MAN2B2: variants seen among roughly 807,000 people sequenced by gnomAD.
MAN2B2 encodes epididymis-specific alpha-mannosidase.
MAN2B2 carries 106 observed loss-of-function variants against 117.1 expected under a neutral mutation model. That is an observed-to-expected ratio of 0.90 (90% confidence interval 0.77 to 1.06). The LOEUF is 1.06. Among genes scored for constraint, MAN2B2 ranks in the 50% least tolerant of loss-of-function variants. The pLI, the probability that MAN2B2 is intolerant of heterozygous loss-of-function variation, is 0.00. For missense variants in MAN2B2, 1,326 were observed against 1,381.4 expected (o/e 0.96, Z 0.64); for synonymous variants, 544 against 595.1 (o/e 0.91, Z 1.25).
chr4:6,586,923 C>T, intron 3 of MAN2B2, 73 bp from the exon 4 acceptor site: 1 of 1,474,062 alleles, frequency 6.8e-7, no homozygotes, highest in African/African-American at 1.4e-5. Context: ...GGCAGGGTCC[C>T]CTGGGGTGAG....
Position 6,621,386 on chromosome 4 carries a change from G to A in MAN2B2, c.*101G>A. Reference sequence around the variant, plus strand: ...AGCAGTGCGGAGGGATGGGACTGGGGAGTCAGCTGCTCATCTGCAGGCTAA... The same window carrying A: ...AGCAGTGCGGAGGGATGGGACTGGGAAGTCAGCTGCTCATCTGCAGGCTAA... On this transcript the variant is annotated 3_prime_UTR_variant, in exon 19 of 19. Transcript: ENST00000285599. 1 of 887,394 alleles carries A rather than the reference G, an allele frequency of 1.1e-6. No homozygotes were observed. 55.0% of individuals were successfully genotyped at this position (887,394 alleles called of 1,614,324 possible).
intron 11 of MAN2B2, among the ~76,000 whole-genome samples, chr4:6,607,323 C>G (rs1727592019): frequency 6.6e-6 from 1 of 152,202 alleles, no homozygotes; most frequent in South Asian, 2.1e-4. Context: ...CCTCCCACCT[C>G]AGCCTCTTGA....
intron 2 of MAN2B2, 45 bp from the exon 3 acceptor site, chr4:6,578,348 C>A: frequency 6.9e-7 from 1 of 1,458,960 alleles, no homozygotes; most frequent in South Asian, 1.2e-5. Flanking sequence ...CAGCCATGCT[C>A]AGGAGCCGTA....
intron 2 of MAN2B2, among the ~76,000 whole-genome samples, chr4:6,577,709 G>A (rs1726122638): frequency 3.9e-5 from 6 of 152,242 alleles, no homozygotes; most frequent in Admixed American, 3.9e-4. Flanking sequence ...TGCTTCTTCA[G>A]GTGGACCCCA....
At chr4:6,598,091 G>C in intron 8 of MAN2B2, 107 bp from the exon 9 acceptor site, 1 of 1,282,096 alleles carries the variant, frequency 7.8e-7, no homozygotes, top group Non-Finnish European at 1.1e-6. Context: ...TTCTCCACTG[G>C]CACCTGGCAA....
chr4:6,596,727 G>A (rs1577283230), intron 7 of MAN2B2, among the ~76,000 whole-genome samples: 1 of 152,264 alleles, frequency 6.6e-6, no homozygotes, highest in Middle Eastern at 3.4e-3. Flanking sequence ...TCTCAGTGGG[G>A]TCCTGCCCAC....
chr4:6,579,717 T>C (rs56359780), intron 3 of MAN2B2, among the ~76,000 whole-genome samples: 4,505 of 151,574 alleles, frequency 0.03, 199 homozygotes, highest in African/African-American at 0.1. Flanking sequence ...CATCCATTAC[T>C]ACCATCCCCT....
At position 6,609,937 on chromosome 4, in the gene MAN2B2, G is replaced by C; in HGVS notation, c.2146G>C (p.Val716Leu). 6.2e-7 allele frequency: 1 copy of C among 1,614,168 alleles called. No homozygotes were observed. Among genetic ancestry groups the C allele is most frequent in the Non-Finnish European group, 8.5e-7 (1 of 1,180,028 alleles). ...AGPLELNREA[V>L]LRTSTNLNSQ... ...CCCCCTGGAGCTGAACCGTGAGGCTGTCCTGAGGACCAGCACCAACCTAAA... is the reference window on the plus strand; with the variant it reads ...CCCCCTGGAGCTGAACCGTGAGGCTCTCCTGAGGACCAGCACCAACCTAAA... Residue 716 changes from valine (V) to leucine (L), a missense_variant, in exon 13 of 19, where the codon GTC becomes CTC. By Grantham distance (32) the Val-to-Leu change is conservative. Coordinates refer to ENST00000285599, the MANE Select transcript of MAN2B2 (RefSeq NM_015274.3).
At chr4:6,609,022 C>A in intron 11 of MAN2B2, 85 bp from the exon 12 acceptor site, 1 of 1,322,762 alleles carries the variant, frequency 7.6e-7, no homozygotes, top group Non-Finnish European at 1.0e-6. Flanking sequence ...ACTCAGATGG[C>A]ATCTGGAGAG....
At chr4:6,588,093 C>T (rs916924001) in intron 4 of MAN2B2, among the ~76,000 whole-genome samples, 3 of 152,110 alleles carry the variant, frequency 2.0e-5, no homozygotes, top group Admixed American at 6.6e-5. Context: ...TCACAGCAAC[C>T]TTATGGGACG....
chr4:6,583,416 G>A (rs1356338209), intron 3 of MAN2B2, among the ~76,000 whole-genome samples: 1 of 152,170 alleles, frequency 6.6e-6, no homozygotes, highest in African/African-American at 2.4e-5. Flanking sequence ...AAGAAGGAGT[G>A]TGTGGTTCTG....
intron 6 of MAN2B2, 73 bp from the exon 7 acceptor site, chr4:6,594,461 A>G (rs2108743596): frequency 3.4e-6 from 5 of 1,461,164 alleles, no homozygotes; most frequent in Non-Finnish European, 4.7e-6. Context: ...GGTGGAGGGC[A>G]GCGATCGGCC....
chr4:6,600,846 G>A, intron 10 of MAN2B2, 90 bp downstream of exon 10: 1 of 1,491,000 alleles, frequency 6.7e-7, no homozygotes, highest in South Asian at 1.2e-5. Context: ...CCCTGCAAGG[G>A]AGGCCTTATC....
Position 6,611,124 on chromosome 4 carries a change from G to C in MAN2B2, c.2409G>C (p.Trp803Cys). Residue 803 changes from tryptophan (W) to cysteine (C), a missense_variant, in exon 15 of 19, where the codon TGG becomes TGC. By Grantham distance (215) the Trp-to-Cys change is radical. Coordinates refer to ENST00000285599, the MANE Select transcript of MAN2B2 (RefSeq NM_015274.3). ...LHRRLWNNFD[W>C]DLGYNLTLND... ...GGCGGCTGTGGAACAACTTCGACTGGGACCTGGGCTACAACCTCACGCTGA... is the reference window on the plus strand; with the variant it reads ...GGCGGCTGTGGAACAACTTCGACTGCGACCTGGGCTACAACCTCACGCTGA... 6.2e-7 allele frequency: 1 copy of C among 1,613,798 alleles called. No individual in the cohort carries two copies. Among genetic ancestry groups the C allele is most frequent in the Non-Finnish European group, 8.5e-7 (1 of 1,179,912 alleles).
rs754956950 is a variant in MAN2B2 at position 6,614,209 on chromosome 4, G to A, written c.2564-9G>A. On this transcript the variant is annotated splice_polypyrimidine_tract_variant and intron_variant, in intron 15 of 18. Transcript: ENST00000285599. The stretch of plus-strand genomic sequence containing the variant: ...AACCCTCTCCTCACTCTGTCCATCT[G>A]CCTTGCAGGGACTGCGCCGAAGCTC... The A allele has an allele frequency of 6.2e-7, 1 of 1,613,706 alleles. No individual in the cohort carries two copies. Among genetic ancestry groups the A allele is most frequent in the African/African-American group, 1.3e-5 (1 of 74,926 alleles).
At chr4:6,579,289 T>TCACCACCACCATCACCAC (rs1560634992) in intron 3 of MAN2B2, among the ~76,000 whole-genome samples, 2 of 14,868 alleles carry the variant, frequency 1.3e-4, no homozygotes, top group Non-Finnish European at 2.8e-4. Context: ...ACCATCACCA[T>TCACCACCACCATCACCAC]CACCACCACC....
intron 10 of MAN2B2, among the ~76,000 whole-genome samples, chr4:6,602,970 C>T (rs1470665914): frequency 6.6e-6 from 1 of 152,202 alleles, no homozygotes; most frequent in African/African-American, 2.4e-5. Context: ...GCCACCACAC[C>T]AGGCCTGTTC....
chr4:6,620,156 C>T (rs1712100664), intron 18 of MAN2B2, 112 bp downstream of exon 18: 5 of 866,476 alleles, frequency 5.8e-6, no homozygotes, highest in South Asian at 5.2e-5. Context: ...TGCGACCTTG[C>T]GAGGCTGCTT....
chr4:6,587,142 C>T lies in MAN2B2; in HGVS notation c.538C>T (p.Leu180=). ...CCTCGGCTCCCGGATCGACTACGAC[C>T]TGAAGGCAGCCATGCAGGAGGCCCG... The part of the protein sequence containing the change: ...AHLGSRIDYD[L]KAAMQEARGL... Residue 180 remains leucine, a synonymous_variant, in exon 4 of 19, where the codon CTG becomes TTG. Coordinates refer to ENST00000285599, the MANE Select transcript of MAN2B2 (RefSeq NM_015274.3). 6.2e-7 allele frequency: 1 copy of T among 1,613,510 alleles called. No homozygotes were observed. The highest frequency in any genetic ancestry group is 8.5e-7 in the Non-Finnish European group (1 of 1,179,864).
Sources: gnomAD v4.1 joint callset for allele counts (sites outside exome capture counted in the v4.1 genomes callset) on GRCh38, gnomAD v4.1.1 for gene constraint, MANE v1.5 for transcripts, NCBI Gene and HGNC (gene_info 2026-07-23, HGNC 2026-07-21) for gene names.